TMEM87A: variants seen among roughly 807,000 people sequenced by gnomAD.
TMEM87A encodes the protein transmembrane protein 87A, also known as Golgi-pH regulating cation channel.
In TMEM87A, 50 loss-of-function variants were observed where a neutral mutation model predicts 90.0. The ratio of observed to expected loss-of-function variants is 0.56; its 90% CI spans 0.44 to 0.70. The LOEUF (loss-of-function observed/expected upper bound fraction) is 0.70, where lower values mean the gene tolerates loss of function less well. TMEM87A is among the 30% of genes least tolerant of loss of function. The probability of loss-of-function intolerance (pLI) is 0.00; values close to 1 mark genes in which losing one functional copy is unlikely to be tolerated. For synonymous variants in TMEM87A, 226 were observed against 226.7 expected, an observed-to-expected ratio of 1.00 and a Z score of 0.03; for missense variants, 577 against 660.5, an observed-to-expected ratio of 0.87 and a Z score of 1.39.
intron 6 of TMEM87A, among the ~76,000 whole-genome samples, chr15:42,248,475 G>C (rs1333494123): frequency 6.6e-6 from 1 of 152,062 alleles, no homozygotes; most frequent in Non-Finnish European, 1.5e-5. Flanking sequence ...TTAGTTTATT[G>C]AGAGTTTTTA....
intron 3 of TMEM87A, 55 bp downstream of exon 3, chr15:42,267,892 T>C (rs1328084721): frequency 3.5e-6 from 5 of 1,411,320 alleles, no homozygotes; most frequent in Non-Finnish European, 5.0e-6. Flanking sequence ...ATTAAGAGAC[T>C]GGAACCAGAT....
rs114903385 is a variant in TMEM87A at position 42,264,877 on chromosome 15, C to T, written c.292-674G>A. 7.8e-3 allele frequency among the ~76,000 whole-genome samples: 1,185 copies of T among 151,786 alleles called. 13 individuals are homozygous for T. The highest frequency in any genetic ancestry group is 0.027 in the African/African-American group (1,132 of 41,430). On this transcript the variant is annotated intron_variant, in intron 3 of 19. Transcript: ENST00000389834. ...TCCCACCCTCCACCCTCAAGTAGGC[C>T]CAGTGTCTGCCGTTCCCCTCTTTGT...
At chr15:42,221,666 T>C (rs2050487962) in intron 15 of TMEM87A, among the ~76,000 whole-genome samples, 1 of 152,094 alleles carries the variant, frequency 6.6e-6, no homozygotes. Flanking sequence ...GCCCAGAAGT[T>C]TGAGTCTAGC....
intron 19 of TMEM87A, among the ~76,000 whole-genome samples, chr15:42,213,791 T>G (rs1235636789): frequency 6.6e-6 from 1 of 150,680 alleles, no homozygotes; most frequent in Non-Finnish European, 1.5e-5. Context: ...AAGGTAACTG[T>G]TTTTTTTTCT....
At chr15:42,218,297 C>A in intron 18 of TMEM87A, 26 bp downstream of exon 18, 1 of 1,611,544 alleles carries the variant, frequency 6.2e-7, no homozygotes. Context: ...AAATAGGATT[C>A]TTGTGGTAAT....
chr15:42,272,176 C>A (rs2051546109), intron 1 of TMEM87A, 53 bp from the exon 2 acceptor site: 3 of 1,270,564 alleles, frequency 2.4e-6, no homozygotes, highest in Middle Eastern at 1.9e-4. Context: ...ATTACCAAAG[C>A]ATCATATAAC....
intron 3 of TMEM87A, among the ~76,000 whole-genome samples, chr15:42,264,699 A>ATATATATATATT (rs10681614): frequency 4.6e-5 from 5 of 109,420 alleles, no homozygotes; most frequent in African/African-American, 9.2e-5. Context: ...ATATATATAT[A>ATATATATATATT]TTTTTTTTTT....
Position 42,220,131 on chromosome 15 carries a change from C to T in TMEM87A, c.1408G>A (p.Ala470Thr), listed in dbSNP as rs750857166. 18 of 1,602,970 alleles carry T rather than the reference C, an allele frequency of 1.1e-5. No individual in the cohort carries two copies. The East Asian group carries it at 2.7e-4, about 24-fold the overall frequency. ...TCTTCCTCAGACAATGGTGAAAAGGCAAACCTAACAGAACCAAAGTGAACA... is the reference window on the plus strand; with the variant it reads ...TCTTCCTCAGACAATGGTGAAAAGGTAAACCTAACAGAACCAAAGTGAACA... The part of the protein sequence containing the change: ...WRPSANNQRF[A>T]FSPLSEEEEE... Residue 470 changes from alanine to threonine, a missense_variant, in exon 16 of 20, where the codon GCC becomes ACC. By Grantham distance (58) the Ala-to-Thr change is moderately conservative (BLOSUM62 0). Coordinates refer to ENST00000389834, the MANE Select transcript of TMEM87A (RefSeq NM_015497.5).
rs1430017121 is a variant in TMEM87A at position 42,273,341 on chromosome 15, G to T, written c.58C>A (p.His20Asn). 1 of 1,614,150 alleles carries T rather than the reference G, an allele frequency of 6.2e-7. No homozygotes were observed. Among genetic ancestry groups the T allele is most frequent in the Admixed American group, 1.7e-5 (1 of 60,020 alleles). ...CTGAAAAACGACAGTGGTGACGGGT[G>T]AGCTCCCAGAAGCAGAAGAATGACA... ...LPVILLLLGA[H>N]PSPLSFFSAG... Residue 20 changes from histidine (H) to asparagine (N), a missense_variant, in exon 1 of 20, where the codon CAC becomes AAC. By Grantham distance (68) the His-to-Asn change is moderately conservative. Coordinates refer to ENST00000389834, the MANE Select transcript of TMEM87A (RefSeq NM_015497.5).
chr15:42,261,797 C>T (rs1282156717), intron 4 of TMEM87A, among the ~76,000 whole-genome samples: 1 of 152,070 alleles, frequency 6.6e-6, no homozygotes, highest in Non-Finnish European at 1.5e-5. Flanking sequence ...CCATGCCTGG[C>T]TAATTTTTTT....
chr15:42,256,047 T>C (rs1325180186), intron 6 of TMEM87A, among the ~76,000 whole-genome samples: 1 of 151,780 alleles, frequency 6.6e-6, no homozygotes, highest in Non-Finnish European at 1.5e-5. Flanking sequence ...CACAAAGTGC[T>C]GGGATCACAG....
At chr15:42,242,184 C>A (rs1452199725) in intron 7 of TMEM87A, among the ~76,000 whole-genome samples, 1 of 152,142 alleles carries the variant, frequency 6.6e-6, no homozygotes, top group Non-Finnish European at 1.5e-5. Context: ...ACGAGGCCGA[C>A]TCCATGATCA....
chr15:42,257,432 G>A (rs1299516547), intron 6 of TMEM87A, among the ~76,000 whole-genome samples: 1 of 152,056 alleles, frequency 6.6e-6, no homozygotes, highest in Non-Finnish European at 1.5e-5. Context: ...ACAGCCTGAA[G>A]CCCTCACTAG....
chr15:42,258,779 T>C (rs2051230665), intron 6 of TMEM87A: 1 of 1,441,548 alleles, frequency 6.9e-7, no homozygotes, highest in East Asian at 2.5e-5. Context: ...ATGCCTAACT[T>C]ACATTCAGTT....
chr15:42,264,084 G>C lies in TMEM87A; in HGVS notation c.405+6C>G. 1 of 1,605,704 alleles carries C rather than the reference G, an allele frequency of 6.2e-7. No homozygotes were observed. Among genetic ancestry groups the C allele is most frequent in the Non-Finnish European group, 8.5e-7 (1 of 1,174,396 alleles). On this transcript the variant is annotated splice_donor_region_variant and intron_variant, in intron 4 of 19. Coordinates refer to ENST00000389834, the MANE Select transcript of TMEM87A (RefSeq NM_015497.5). ...CTATTTATCTCCAATCACTTTCAAAGATTACCTGTGTTTTAAAGAGTTCAC... is the reference window on the plus strand; with the variant it reads ...CTATTTATCTCCAATCACTTTCAAACATTACCTGTGTTTTAAAGAGTTCAC...
At chr15:42,251,987 G>A (rs577008916) in intron 6 of TMEM87A, among the ~76,000 whole-genome samples, 2 of 152,332 alleles carry the variant, frequency 1.3e-5, no homozygotes, top group East Asian at 1.9e-4. Context: ...CTGCCACCTC[G>A]CAGTTCGATT....
At chr15:42,261,163 G>A (rs749443640) in intron 5 of TMEM87A, 33 bp downstream of exon 5, 1 of 1,605,526 alleles carries the variant, frequency 6.2e-7, no homozygotes, top group Non-Finnish European at 8.5e-7. Context: ...AGTTTTTACT[G>A]CACTCTCAGA....
At chr15:42,222,744 G>C (rs116470539) in intron 15 of TMEM87A, among the ~76,000 whole-genome samples, 1,571 of 151,552 alleles carry the variant, frequency 0.01, 34 homozygotes, top group African/African-American at 0.037. Flanking sequence ...ATTTTTAGTA[G>C]AGATGAGGTT....
intron 2 of TMEM87A, among the ~76,000 whole-genome samples, chr15:42,270,215 A>G (rs2051491184): frequency 6.6e-6 from 1 of 151,886 alleles, no homozygotes; most frequent in Non-Finnish European, 1.5e-5. Context: ...TGCTAAAAAT[A>G]CAAAAATTAG....
Sources: allele counts gnomAD v4.1 joint callset (sites outside exome capture counted in the v4.1 genomes callset), GRCh38; gene constraint gnomAD v4.1.1; transcripts MANE v1.5; gene names NCBI Gene and HGNC (gene_info 2026-07-23, HGNC 2026-07-21).